CADM1: variants seen among roughly 807,000 people sequenced by gnomAD.
CADM1 encodes the protein cell adhesion molecule 1.
CADM1 carries 15 observed loss-of-function variants against 53.1 expected under a neutral mutation model. The observed-to-expected ratio is 0.28, with a 90% CI of 0.19 to 0.44. The LOEUF is 0.44. CADM1 is among the 20% of genes least tolerant of loss of function. The pLI is 1.00. For missense variants in CADM1, 434 were observed against 611.3 expected (o/e 0.71, Z 3.06); for synonymous variants, 281 against 243.0 (o/e 1.16, Z -1.45).
chr11:115,283,748 G>C (rs893717523), intron 1 of CADM1, among the ~76,000 whole-genome samples: 2 of 152,174 alleles, frequency 1.3e-5, no homozygotes, highest in Non-Finnish European at 2.9e-5. Context: ...AAGTGGGATC[G>C]GTGCAGAAGA....
At chr11:115,308,211 T>TAC (rs1555061188) in intron 1 of CADM1, among the ~76,000 whole-genome samples, 5 of 139,422 alleles carry the variant, frequency 3.6e-5, no homozygotes, top group East Asian at 2.2e-4. Context: ...TATATATATA[T>TAC]ACACACCTAT....
intron 1 of CADM1, among the ~76,000 whole-genome samples, chr11:115,362,103 G>C (rs1946044828): frequency 6.6e-6 from 1 of 152,124 alleles, no homozygotes; most frequent in Non-Finnish European, 1.5e-5. Flanking sequence ...TTGGGTAAAG[G>C]TAGTTTGTTT....
intron 1 of CADM1, among the ~76,000 whole-genome samples, chr11:115,259,290 C>CTT (rs71066411): frequency 0.027 from 1,498 of 55,110 alleles, 204 homozygotes; most frequent in East Asian, 0.031. Context: ...CCAGTCTTAA[C>CTT]TTTTTTTTTT....
At chr11:115,385,834 A>T (rs1448058228) in intron 1 of CADM1, among the ~76,000 whole-genome samples, 1 of 152,176 alleles carries the variant, frequency 6.6e-6, no homozygotes, top group East Asian at 1.9e-4. Context: ...TCTTTGACTT[A>T]ACAAAAGTCA....
In CADM1 at chr11:115,197,264, G is replaced by C. The variant is rs182547958; in HGVS notation, c.1111+1142C>G. On this transcript the variant is annotated intron_variant, in intron 9 of 11. Coordinates refer to ENST00000331581, the MANE Select transcript of CADM1 (RefSeq NM_001301043.2). ...AGTTATCAAATGTAGGTCTCTAAGT[G>C]AGTCAGTCTGTGCCAGGAAATGTTT... Among the ~76,000 whole-genome samples, 5 of 152,314 alleles carry C rather than the reference G, an allele frequency of 3.3e-5. No homozygotes were observed. In the East Asian group the frequency reaches 9.6e-4, roughly 29 times the overall value.
intron 1 of CADM1, among the ~76,000 whole-genome samples, chr11:115,383,265 G>A (rs139777348): frequency 1.3e-5 from 2 of 152,284 alleles, no homozygotes; most frequent in Admixed American, 1.3e-4. Context: ...TCCATGCCCA[G>A]GAAGCGTACA....
chr11:115,445,072 G>A (rs955347692), intron 1 of CADM1, among the ~76,000 whole-genome samples: 3 of 152,116 alleles, frequency 2.0e-5, no homozygotes, highest in African/African-American at 4.8e-5. Flanking sequence ...ATCTCAGAAC[G>A]TATTTGGAAG....
At chr11:115,416,710 CACACACACACACACACACACACACAGAT>C (rs1947607529) in intron 1 of CADM1, among the ~76,000 whole-genome samples, 1 of 150,680 alleles carries the variant, frequency 6.6e-6, no homozygotes, top group Non-Finnish European at 1.5e-5. Context: ...CACACACACA[CACACACACACACACACACACACACAGAT>C]AGATATTGTA....
intron 1 of CADM1, among the ~76,000 whole-genome samples, chr11:115,468,326 C>T (rs1181265299): frequency 6.6e-6 from 1 of 152,090 alleles, no homozygotes. Context: ...GAGACGGGTG[C>T]ACTGGAAAGA....
chr11:115,256,066 G>A (rs900004499), intron 1 of CADM1, among the ~76,000 whole-genome samples: 3 of 152,186 alleles, frequency 2.0e-5, no homozygotes, highest in Admixed American at 1.3e-4. Flanking sequence ...GTGTTTGTGA[G>A]CATTAGGCCA....
chr11:115,183,967 A>C (rs1003154153), intron 10 of CADM1, among the ~76,000 whole-genome samples: 11 of 152,308 alleles, frequency 7.2e-5, no homozygotes, highest in African/African-American at 2.4e-4. Context: ...CACGTGGCTC[A>C]GTTTTAGTTC....
intron 1 of CADM1, among the ~76,000 whole-genome samples, chr11:115,275,122 C>G (rs1565338439): frequency 6.6e-6 from 1 of 152,198 alleles, no homozygotes. Context: ...CCACATTGCG[C>G]CACTGCCCAG....
chr11:115,219,431 C>A (rs1267097077), intron 5 of CADM1, among the ~76,000 whole-genome samples: 1 of 152,116 alleles, frequency 6.6e-6, no homozygotes, highest in Non-Finnish European at 1.5e-5. Context: ...CCTTGTTCAC[C>A]CACCAGTGTG....
chr11:115,504,324 A>C lies in CADM1; in HGVS notation c.71T>G (p.Leu24Arg). 6.4e-7 allele frequency: 1 copy of C among 1,551,792 alleles called. No individual in the cohort carries two copies. The change falls in exon 1 of 12, where the codon CTC becomes CGC. Residue 24 changes from leucine (L) to arginine (R), a missense_variant. By Grantham distance (102) the Leu-to-Arg change is moderately radical (BLOSUM62 -2). Coordinates refer to ENST00000331581, the MANE Select transcript of CADM1 (RefSeq NM_001301043.2). Reference protein sequence around the residue: ...AAAAAAAPPGLRLRLLLLLFS... With the variant: ...AAAAAAAPPGRRLRLLLLLFS... The stretch of plus-strand genomic sequence containing the variant: ...GAGCAACAGCAGAAGCCGGAGCCGG[A>C]GCCCGGGAGGCGCCGCCGCCGCCGC...
chr11:115,367,646 A>T (rs1179327944), intron 1 of CADM1, among the ~76,000 whole-genome samples: 1 of 152,120 alleles, frequency 6.6e-6, no homozygotes, highest in African/African-American at 2.4e-5. Context: ...TAGCATACTT[A>T]TATGCATATA....
At chr11:115,394,436 A>C (rs1018088994) in intron 1 of CADM1, among the ~76,000 whole-genome samples, 3 of 152,322 alleles carry the variant, frequency 2.0e-5, no homozygotes, top group African/African-American at 7.2e-5. Context: ...TCATGTTTAC[A>C]AGAACCACGA....
At chr11:115,185,233 C>T (rs763728850) in intron 10 of CADM1, among the ~76,000 whole-genome samples, 37 of 152,200 alleles carry the variant, frequency 2.4e-4, no homozygotes, top group Non-Finnish European at 4.9e-4. Flanking sequence ...CAGTTCTTAT[C>T]ACCGACCCAA....
intron 7 of CADM1, among the ~76,000 whole-genome samples, chr11:115,212,978 TCTC>T (rs1245999608): frequency 8.5e-5 from 13 of 152,222 alleles, no homozygotes; most frequent in African/African-American, 3.1e-4. Flanking sequence ...AAATGTTTCT[TCTC>T]TTGAAATGTA....
intron 1 of CADM1, among the ~76,000 whole-genome samples, chr11:115,261,476 A>G (rs1039313308): frequency 3.9e-5 from 6 of 152,340 alleles, no homozygotes; most frequent in East Asian, 3.9e-4. Context: ...CCACAATCCC[A>G]TAACTCTGAG....
Sources: allele counts gnomAD v4.1 joint callset (sites outside exome capture counted in the v4.1 genomes callset), GRCh38; gene constraint gnomAD v4.1.1; transcripts MANE v1.5; gene names NCBI Gene and HGNC (gene_info 2026-07-23, HGNC 2026-07-21).